Variants in MRTFA observed in about 807,000 individuals in gnomAD.
MRTFA encodes myocardin-related transcription factor A.
Under a neutral mutation model 83.5 loss-of-function variants are expected in MRTFA, and 20 were observed. The observed-to-expected ratio is 0.24, with a 90% CI of 0.17 to 0.35. The LOEUF (loss-of-function observed/expected upper bound fraction) is 0.35. MRTFA is among the 10% of genes least tolerant of loss of function. The pLI, the probability that MRTFA is intolerant of heterozygous loss-of-function variation, is 1.00. For missense variants in MRTFA, 1,200 were observed against 1,224.7 expected (o/e 0.98, Z 0.30); for synonymous variants, 659 against 541.2 (o/e 1.22, Z -3.02).
At chr22:40,506,863 T>C (rs1247908095) in intron 3 of MRTFA, among the ~76,000 whole-genome samples, 2 of 152,182 alleles carry the variant, frequency 1.3e-5, no homozygotes, top group Admixed American at 6.6e-5. Context: ...AGCAAGCACA[T>C]GTGACACACA....
At chr22:40,419,532 C>A (rs2052780249) in intron 11 of MRTFA, 148 bp from the exon 12 acceptor site, 1 of 690,888 alleles carries the variant, frequency 1.4e-6, no homozygotes, top group Non-Finnish European at 2.5e-6. Flanking sequence ...CAATGCCCCC[C>A]ACCACCTGAG....
intron 8 of MRTFA, 124 bp downstream of exon 8, chr22:40,424,082 G>C: frequency 9.1e-7 from 1 of 1,098,412 alleles, no homozygotes; most frequent in Non-Finnish European, 1.3e-6. Flanking sequence ...TAAGCAACTA[G>C]GGTAGCATCC....
Position 40,588,261 on chromosome 22 carries a change from T to C in MRTFA, c.-22+6413A>G, listed in dbSNP as rs1394977928. ...TCAGGCTGATCTCTAACTCCTGACCTTGTGATCCACCTGCCTCGGCCTTCC... is the reference window on the plus strand; with the variant it reads ...TCAGGCTGATCTCTAACTCCTGACCCTGTGATCCACCTGCCTCGGCCTTCC... On this transcript the variant is annotated intron_variant, in intron 2 of 14. Transcript: ENST00000355630. Among the ~76,000 whole-genome samples, 5 of 152,144 alleles carry C rather than the reference T, an allele frequency of 3.3e-5. No individual in the cohort carries two copies. In the East Asian group the frequency reaches 9.6e-4, roughly 29 times the overall value.
At chr22:40,461,601 G>A (rs1319097497) in intron 4 of MRTFA, among the ~76,000 whole-genome samples, 5 of 147,834 alleles carry the variant, frequency 3.4e-5, no homozygotes, top group African/African-American at 7.6e-5. Flanking sequence ...TGGCTCATAC[G>A]GTGAAACCCC....
At chr22:40,426,478 C>T (rs781327249) in intron 7 of MRTFA, among the ~76,000 whole-genome samples, 10 of 152,216 alleles carry the variant, frequency 6.6e-5, no homozygotes, top group Non-Finnish European at 1.2e-4. Context: ...ACCTCCTTCT[C>T]TCCTACTCAA....
rs142054821 is a variant in MRTFA at position 40,494,406 on chromosome 22, C to T, written c.242-31120G>A. ...TAAAAAATTATATACAGGCCAGATG[C>T]GGTGGCTCATGCCTGTAATCCCAAC... is the stretch of plus-strand genomic sequence containing the variant. On this transcript the variant is annotated intron_variant, in intron 3 of 14. Transcript: ENST00000355630. Among the ~76,000 whole-genome samples the T allele has an allele frequency of 3.9e-3, 591 of 152,204 alleles. 1 individual carries two copies. Among genetic ancestry groups the T allele is most frequent in the Non-Finnish European group, 6.8e-3 (465 of 68,002 alleles).
intron 3 of MRTFA, among the ~76,000 whole-genome samples, chr22:40,549,379 T>G (rs1431863670): frequency 6.6e-6 from 1 of 152,154 alleles, no homozygotes; most frequent in Non-Finnish European, 1.5e-5. Context: ...ATTCATACAA[T>G]GAACTGATTA....
intron 3 of MRTFA, chr22:40,533,733 A>T (rs1237600262): frequency 3.4e-6 from 2 of 586,970 alleles, no homozygotes. Context: ...ATTCAATCTG[A>T]TGCCTTATGC....
intron 3 of MRTFA, among the ~76,000 whole-genome samples, chr22:40,477,907 T>C (rs2054025211): frequency 6.6e-6 from 1 of 152,050 alleles, no homozygotes; most frequent in South Asian, 2.1e-4. Context: ...ATGTAGTCAG[T>C]GAAGCAGGCT....
At chr22:40,427,303 G>C (rs1396843984) in intron 7 of MRTFA, among the ~76,000 whole-genome samples, 2 of 152,154 alleles carry the variant, frequency 1.3e-5, no homozygotes, top group African/African-American at 2.4e-5. Context: ...TATCAACATG[G>C]GGAAAGGGCT....
In MRTFA at chr22:40,472,457, T is replaced by C. The variant is rs557172300; in HGVS notation, c.242-9171A>G. On this transcript the variant is annotated intron_variant, in intron 3 of 14. Transcript: ENST00000355630. ...TTTTAAGGCACATCATCTTTTGCTGTGTTTTGAACAATGATTCAGTTTTTA... is the reference window on the plus strand; with the variant it reads ...TTTTAAGGCACATCATCTTTTGCTGCGTTTTGAACAATGATTCAGTTTTTA... Among the ~76,000 whole-genome samples, 3 of 152,360 alleles carry C rather than the reference T, an allele frequency of 2.0e-5. No individual in the cohort carries two copies. The East Asian group carries it at 5.8e-4, about 29-fold the overall frequency.
chr22:40,599,437 A>G (rs569209499), intron 1 of MRTFA, among the ~76,000 whole-genome samples: 1 of 152,354 alleles, frequency 6.6e-6, no homozygotes, highest in African/African-American at 2.4e-5. Flanking sequence ...GGGGATGAGA[A>G]TAATTTTTAC....
intron 3 of MRTFA, among the ~76,000 whole-genome samples, chr22:40,483,757 C>T (rs988711303): frequency 7.9e-5 from 12 of 151,860 alleles, no homozygotes; most frequent in Admixed American, 1.3e-4. Flanking sequence ...TACAGTGGTG[C>T]GATCATGGCT....
At chr22:40,496,470 T>C (rs2054357766) in intron 3 of MRTFA, among the ~76,000 whole-genome samples, 1 of 149,598 alleles carries the variant, frequency 6.7e-6, no homozygotes, top group African/African-American at 2.5e-5. Flanking sequence ...ATTTTCTACA[T>C]TAAATAACTA....
intron 3 of MRTFA, among the ~76,000 whole-genome samples, chr22:40,494,532 T>G (rs1268509275): frequency 6.6e-6 from 1 of 151,912 alleles, no homozygotes; most frequent in African/African-American, 2.4e-5. Context: ...CCTTAAAAAA[T>G]TAGCCAGGTA....
chr22:40,491,072 G>C (rs1168427499), intron 3 of MRTFA, among the ~76,000 whole-genome samples: 1 of 152,122 alleles, frequency 6.6e-6, no homozygotes, highest in African/African-American at 2.4e-5. Context: ...GCCGAGCACG[G>C]TGGCTCACAC....
intron 3 of MRTFA, among the ~76,000 whole-genome samples, chr22:40,530,986 A>G (rs1387610454): frequency 6.6e-6 from 1 of 152,248 alleles, no homozygotes; most frequent in Admixed American, 6.5e-5. Context: ...CAGTATCAGA[A>G]GCCAATATAT....
intron 2 of MRTFA, among the ~76,000 whole-genome samples, chr22:40,577,673 T>C (rs1244736917): frequency 2.0e-5 from 3 of 150,054 alleles, no homozygotes; most frequent in Non-Finnish European, 4.4e-5. Context: ...AGTGCAATGG[T>C]GCGATCACCG....
chr22:40,418,445 T>C lies in MRTFA; in HGVS notation c.2293A>G (p.Thr765Ala), dbSNP rs1290116696. The C allele has an allele frequency of 6.2e-7, 1 of 1,613,938 alleles. No homozygotes were observed. The highest frequency in any genetic ancestry group is 8.5e-7 in the Non-Finnish European group (1 of 1,179,914). ...TTGGTCACGGTGAGGACAAGGTGGG[T>C]CCCTGTGGAGTCGGTGATGAGGGTG... Residue 765 changes from threonine (T) to alanine (A), a missense_variant, in exon 12 of 15, where the codon ACC (threonine) becomes GCC (alanine). Around this residue, in one of 2 missense-constraint regions of MRTFA, gnomAD observed 1,107 missense variants for 1,041.8 expected, o/e 1.06. Transcript: ENST00000355630.
Sources: allele counts gnomAD v4.1 joint callset (sites outside exome capture counted in the v4.1 genomes callset), GRCh38; gene constraint gnomAD v4.1.1; regional missense constraint gnomAD v4.1.1; transcripts MANE v1.5; gene names NCBI Gene and HGNC (gene_info 2026-07-23, HGNC 2026-07-21).